The following CD247 variants were observed in gnomAD, a reference collection of about 807,000 sequenced individuals.
CD247 encodes T-cell surface glycoprotein CD3 zeta chain.
CD247 carries 13 observed loss-of-function variants against 30.0 expected under a neutral mutation model. That is an observed-to-expected ratio of 0.43 (90% CI 0.28 to 0.69). The LOEUF (loss-of-function observed/expected upper bound fraction) is 0.69. CD247 is among the 30% of genes least tolerant of loss of function. The probability of loss-of-function intolerance (pLI) is 0.16; values close to 1 mark genes in which losing one functional copy is unlikely to be tolerated. For missense variants in CD247, 193 were observed against 212.6 expected, an observed-to-expected ratio of 0.91 and a Z score of 0.57; for synonymous variants, 72 against 80.0, an observed-to-expected ratio of 0.90 and a Z score of 0.53.
intron 1 of CD247, among the ~76,000 whole-genome samples, chr1:167,465,537 G>A (rs1160938239): frequency 6.6e-6 from 1 of 151,816 alleles, no homozygotes; most frequent in Non-Finnish European, 1.5e-5. Context: ...CACCATGTTG[G>A]CCAGGCTGGT....
intron 1 of CD247, among the ~76,000 whole-genome samples, chr1:167,505,738 G>A (rs1211654603): frequency 6.6e-6 from 1 of 152,254 alleles, no homozygotes; most frequent in Non-Finnish European, 1.5e-5. Context: ...ATCTGGTAGG[G>A]GGAGTGGGGA....
At chr1:167,432,500 T>C (rs1395308083) in intron 7 of CD247, among the ~76,000 whole-genome samples, 1 of 152,230 alleles carries the variant, frequency 6.6e-6, no homozygotes, top group Non-Finnish European at 1.5e-5. Context: ...GATCATGTTT[T>C]AGAGAAGTAG....
intron 1 of CD247, among the ~76,000 whole-genome samples, chr1:167,509,881 A>G (rs768985405): frequency 6.6e-6 from 1 of 152,140 alleles, no homozygotes; most frequent in Non-Finnish European, 1.5e-5. Flanking sequence ...GGAAGCTACA[A>G]AAAAGGAAAG....
chr1:167,482,615 C>A (rs1274892352), intron 1 of CD247, among the ~76,000 whole-genome samples: 2 of 152,220 alleles, frequency 1.3e-5, no homozygotes, highest in Non-Finnish European at 2.9e-5. Flanking sequence ...GCAGGGGAGA[C>A]CTAGCTGCTA....
rs555955743 is a variant in CD247 at position 167,431,897 on chromosome 1, G to A, written c.430-151C>T. The A allele has an allele frequency of 2.2e-4, 160 of 732,682 alleles. 1 individual carries two copies. Among genetic ancestry groups the A allele is most frequent in the South Asian group, 2.1e-3 (142 of 69,026 alleles). 45.4% of individuals were successfully genotyped at this position (732,682 alleles called of 1,614,324 possible). A position where few individuals can be genotyped will look rare whatever the true frequency, so the allele number is the denominator to read the frequency against. On this transcript the variant is annotated intron_variant, in intron 7 of 7. Transcript: ENST00000362089. ...CCAGGAATAATCCCCCTGGCCCCAC[G>A]GGCAGGAGCCTTGGCTGCAACAGCT...
At chr1:167,436,987 A>G (rs1651574438) in intron 4 of CD247, among the ~76,000 whole-genome samples, 1 of 152,214 alleles carries the variant, frequency 6.6e-6, no homozygotes, top group African/African-American at 2.4e-5. Flanking sequence ...TATTTACCCA[A>G]AAGATTTGAA....
At chr1:167,432,963 C>G in intron 7 of CD247, 61 bp downstream of exon 7, 1 of 1,583,178 alleles carries the variant, frequency 6.3e-7, no homozygotes, top group Non-Finnish European at 8.7e-7. Context: ...ATGTGGGGGC[C>G]TTGATCTTGC....
At chr1:167,477,596 C>T (rs529302783) in intron 1 of CD247, among the ~76,000 whole-genome samples, 2 of 152,282 alleles carry the variant, frequency 1.3e-5, no homozygotes, top group Admixed American at 6.5e-5. Flanking sequence ...CACAGCAGAT[C>T]GTAGCTCACT....
intron 1 of CD247, among the ~76,000 whole-genome samples, chr1:167,482,807 C>G (rs546063601): frequency 1.3e-5 from 2 of 152,252 alleles, no homozygotes; most frequent in African/African-American, 4.8e-5. Context: ...GGTAGTTTAT[C>G]CGGCCCAGGC....
intron 1 of CD247, among the ~76,000 whole-genome samples, chr1:167,510,914 C>CA (rs1405926564): frequency 6.6e-6 from 1 of 152,180 alleles, no homozygotes; most frequent in Non-Finnish European, 1.5e-5. Context: ...ACCCTCCTCT[C>CA]AGCCAGCTTT....
intron 1 of CD247, among the ~76,000 whole-genome samples, chr1:167,502,146 T>G (rs1200323497): frequency 6.6e-6 from 1 of 152,214 alleles, no homozygotes; most frequent in South Asian, 2.1e-4. Context: ...TGGAAGAGAA[T>G]GCCTCTGCAG....
At chr1:167,471,317 C>G (rs1210139372) in intron 1 of CD247, among the ~76,000 whole-genome samples, 1 of 152,050 alleles carries the variant, frequency 6.6e-6, no homozygotes, top group Non-Finnish European at 1.5e-5. Context: ...ATTTTCTGGG[C>G]TATTTAAACT....
At chr1:167,498,793 A>G (rs535987316) in intron 1 of CD247, among the ~76,000 whole-genome samples, 2 of 152,320 alleles carry the variant, frequency 1.3e-5, no homozygotes, top group South Asian at 4.1e-4. Flanking sequence ...CTTTCTGCTG[A>G]AACTGACCTC....
chr1:167,503,383 T>TG (rs2102102454), intron 1 of CD247, among the ~76,000 whole-genome samples: 1 of 152,346 alleles, frequency 6.6e-6, no homozygotes, highest in East Asian at 1.9e-4. Flanking sequence ...CACTCTGTAT[T>TG]CTGCAGGTCA....
Position 167,491,457 on chromosome 1 carries a change from A to G in CD247, c.58+26951T>C, listed in dbSNP as rs142620328. On this transcript the variant is annotated intron_variant, in intron 1 of 7. Transcript: ENST00000362089. ...GTGGCCCATGCCTGTAATCCCAGCT[A>G]CTCGGGAGGCTGAGGCAAGAGAATT... Among the ~76,000 whole-genome samples the G allele has an allele frequency of 3.2e-3, 485 of 152,140 alleles. 5 individuals are homozygous for G. Among genetic ancestry groups the G allele is most frequent in the African/African-American group, 0.011 (456 of 41,482 alleles).
chr1:167,453,663 G>T (rs1391328486), intron 1 of CD247, among the ~76,000 whole-genome samples: 1 of 152,152 alleles, frequency 6.6e-6, no homozygotes. Context: ...AGATCTTCAA[G>T]ATAATTAGGT....
At chr1:167,462,660 G>T (rs1462463067) in intron 1 of CD247, among the ~76,000 whole-genome samples, 1 of 152,184 alleles carries the variant, frequency 6.6e-6, no homozygotes, top group Middle Eastern at 3.2e-3. Flanking sequence ...TCCCGCCGCT[G>T]GGCCATTTCC....
intron 3 of CD247, 90 bp from the exon 4 acceptor site, chr1:167,438,740 G>T: frequency 9.8e-7 from 1 of 1,017,736 alleles, no homozygotes; most frequent in Non-Finnish European, 1.6e-6. Flanking sequence ...TTCCCTCTCT[G>T]GGGTGGCTCA....
At chr1:167,448,266 C>T in intron 1 of CD247, 1 of 684,250 alleles carries the variant, frequency 1.5e-6, no homozygotes. Flanking sequence ...AATAACATGC[C>T]TAATGTCTAC....
Sources: gnomAD v4.1 joint callset for allele counts (sites outside exome capture counted in the v4.1 genomes callset) on GRCh38, gnomAD v4.1.1 for gene constraint, MANE v1.5 for transcripts, NCBI Gene and HGNC (gene_info 2026-07-23, HGNC 2026-07-21) for gene names.